NLGN4X: variants seen among roughly 807,000 people sequenced by gnomAD.
The protein encoded by NLGN4X is neuroligin-4, X-linked.
A neutral mutation model predicts 40.3 loss-of-function variants in NLGN4X; 3 were observed. That is an observed-to-expected ratio of 0.07 (90% CI 0.03 to 0.19). The LOEUF (loss-of-function observed/expected upper bound fraction) is 0.19, where lower values mean the gene tolerates loss of function less well. Ranked by LOEUF, NLGN4X falls within the 10% of genes least tolerant of loss-of-function variation. The pLI is 1.00. For missense variants in NLGN4X, 382 were observed against 708.3 expected (o/e 0.54, Z 5.23); for synonymous variants, 270 against 306.8 (o/e 0.88, Z 1.25).
intron 2 of NLGN4X, among the ~76,000 whole-genome samples, chrX:6,065,604 T>C (rs1421178988): frequency 9.0e-6 from 1 of 111,411 alleles, no homozygotes; most frequent in African/African-American, 3.3e-5. Context: ...AATAATTACA[T>C]AGTTAAAATT....
intron 2 of NLGN4X, among the ~76,000 whole-genome samples, chrX:6,056,892 A>G (rs1252079678): frequency 2.7e-5 from 3 of 112,224 alleles, no homozygotes; most frequent in Non-Finnish European, 5.6e-5. Context: ...AAAGCGATGG[A>G]TGGCCTCTGC....
At chrX:6,082,516 G>A (rs1442236066) in intron 2 of NLGN4X, among the ~76,000 whole-genome samples, 2 of 111,288 alleles carry the variant, frequency 1.8e-5, no homozygotes, top group African/African-American at 6.5e-5. Flanking sequence ...AATCCAGCCT[G>A]GGTGACAGAC....
At chrX:6,134,220 A>C (rs1361409052) in intron 2 of NLGN4X, among the ~76,000 whole-genome samples, 4 of 111,972 alleles carry the variant, frequency 3.6e-5, no homozygotes, top group Non-Finnish European at 7.5e-5. Flanking sequence ...ACTACACTTC[A>C]TACGGTTGGC....
At chrX:6,022,209 G>A (rs927981512) in intron 3 of NLGN4X, among the ~76,000 whole-genome samples, 5 of 111,725 alleles carry the variant, frequency 4.5e-5, no homozygotes, top group Admixed American at 2.9e-4. Flanking sequence ...AAATCAAATC[G>A]GGGGAATCTG....
intron 1 of NLGN4X, chrX:6,227,028 C>G (rs908100158): frequency 8.8e-6 from 1 of 113,056 alleles, no homozygotes; most frequent in Non-Finnish European, 1.9e-5. Context: ...CCCGCACTGT[C>G]TCCTCCGCCG....
chrX:6,131,671 T>C (rs1007749214), intron 2 of NLGN4X, among the ~76,000 whole-genome samples: 1 of 112,254 alleles, frequency 8.9e-6, no homozygotes, highest in East Asian at 2.8e-4. Flanking sequence ...AATGAGATAA[T>C]ACATGCACAC....
chrX:6,099,263 C>A (rs1338787129), intron 2 of NLGN4X, among the ~76,000 whole-genome samples: 1 of 112,390 alleles, frequency 8.9e-6, no homozygotes, highest in Non-Finnish European at 1.9e-5. Flanking sequence ...CAAGTAACTA[C>A]AGGTTAATGT....
intron 3 of NLGN4X, among the ~76,000 whole-genome samples, chrX:6,025,463 A>C (rs1419395749): frequency 8.9e-6 from 1 of 112,271 alleles, no homozygotes; most frequent in Non-Finnish European, 1.9e-5. Flanking sequence ...TGGGTCAGCT[A>C]CAATTCTTAC....
intron 2 of NLGN4X, among the ~76,000 whole-genome samples, chrX:6,054,125 A>G (rs1242179791): frequency 8.9e-6 from 1 of 112,288 alleles, no homozygotes; most frequent in Non-Finnish European, 1.9e-5. Context: ...AAGGTGTTTA[A>G]TACGTGCAAC....
At chrX:5,905,212 T>C (rs896607740) in intron 4 of NLGN4X, among the ~76,000 whole-genome samples, 2 of 111,738 alleles carry the variant, frequency 1.8e-5, no homozygotes, top group Admixed American at 9.5e-5. Context: ...ATTTAGGCAG[T>C]AGTGTATATA....
At chrX:6,210,229 C>T (rs1196991945) in intron 1 of NLGN4X, among the ~76,000 whole-genome samples, 1 of 92,070 alleles carries the variant, frequency 1.1e-5, no homozygotes, top group Non-Finnish European at 2.1e-5. Context: ...TTTGTGCGTG[C>T]GTGTGCGCCC....
intron 3 of NLGN4X, among the ~76,000 whole-genome samples, chrX:6,001,031 T>G (rs745853237): frequency 1.8e-5 from 2 of 111,425 alleles, no homozygotes; most frequent in Non-Finnish European, 3.8e-5. Context: ...AATATGTCCT[T>G]CATCACATGG....
intron 1 of NLGN4X, among the ~76,000 whole-genome samples, chrX:6,165,800 A>G (rs2040483855): frequency 9.0e-6 from 1 of 111,036 alleles, no homozygotes; most frequent in Non-Finnish European, 1.9e-5. Context: ...AAAAACCCCA[A>G]TCCCACCCAG....
At chrX:6,205,443 T>C (rs1923950536) in intron 1 of NLGN4X, among the ~76,000 whole-genome samples, 1 of 112,204 alleles carries the variant, frequency 8.9e-6, no homozygotes, top group Non-Finnish European at 1.9e-5. Context: ...ACATCAAATG[T>C]GAGGTTAAAG....
chrX:5,985,955 T>C (rs1436567054), intron 3 of NLGN4X, among the ~76,000 whole-genome samples: 1 of 112,121 alleles, frequency 8.9e-6, no homozygotes, highest in Admixed American at 9.5e-5. Flanking sequence ...AATTCTAGAC[T>C]GTATCCACTA....
At chrX:5,950,910 C>T (rs1238842548) in intron 3 of NLGN4X, among the ~76,000 whole-genome samples, 1 of 111,882 alleles carries the variant, frequency 8.9e-6, no homozygotes, top group Non-Finnish European at 1.9e-5. Flanking sequence ...AGAAACATCC[C>T]CACCACAACA....
chrX:6,053,341 T>C (rs1378207677), intron 2 of NLGN4X, among the ~76,000 whole-genome samples: 1 of 111,599 alleles, frequency 9.0e-6, no homozygotes, highest in Non-Finnish European at 1.9e-5. Context: ...ATCACTCATT[T>C]AGCAGCTTGT....
intron 2 of NLGN4X, among the ~76,000 whole-genome samples, chrX:6,070,353 A>G (rs1159400310): frequency 8.9e-6 from 1 of 112,367 alleles, no homozygotes; most frequent in Non-Finnish European, 1.9e-5. Context: ...AGCACATAGT[A>G]GCCATTAAAA....
In NLGN4X at chrX:6,140,457, GACACACACACACACACACACAC is replaced by G. The variant is rs34281533; in HGVS notation, c.472+10516_472+10537del. On this transcript the variant is annotated intron_variant, in intron 2 of 5. Transcript: ENST00000381095. ...TTTCCTTCAATAGCATTCACACACAGACACACACACACACACACACACACACACACACACACACACACCACAG... is the reference window on the plus strand; with the variant it reads ...TTTCCTTCAATAGCATTCACACACAGACACACACACACACACACACCACAG... Among the ~76,000 whole-genome samples the G allele has an allele frequency of 7.6e-3, 733 of 96,006 alleles. 5 individuals carry two copies. Among genetic ancestry groups the G allele is most frequent in the African/African-American group, 0.026 (691 of 27,085 alleles). The allele number at this position is 96,006 out of a possible 115,157, so 83.4% of individuals were successfully genotyped here.
Sources: allele counts gnomAD v4.1 joint callset (sites outside exome capture counted in the v4.1 genomes callset), GRCh38; gene constraint gnomAD v4.1.1; transcripts MANE v1.5; gene names NCBI Gene and HGNC (gene_info 2026-07-23, HGNC 2026-07-21).